The following SMIM9 variants were observed in gnomAD, a reference collection of about 807,000 sequenced individuals.
SMIM9 encodes chromosome X open reading frame 68.
Under a neutral mutation model 7.2 loss-of-function variants are expected in SMIM9, and 8 were observed. The observed-to-expected ratio is 1.10, with a 90% CI of 0.65 to 1.99. SMIM9 has a LOEUF of 1.99. SMIM9 is among the 30% of genes most tolerant of loss of function. SMIM9 has a pLI of 0.00. For synonymous variants in SMIM9, 19 were observed against 26.4 expected (o/e 0.72, Z 0.86); for missense variants, 76 against 69.3 (o/e 1.10, Z -0.34).
At position 154,834,367 on chromosome X, in the gene SMIM9, A is replaced by G. The variant is rs2072459405; in HGVS notation, c.-210+196T>C. The stretch of plus-strand genomic sequence containing the variant: ...TAAAAGATCCAGCAGGAGCTGGAGG[A>G]CCTGCAAACTTGGTCACTGTCCTGT... On this transcript the variant is annotated intron_variant, in intron 1 of 4. Coordinates refer to ENST00000369529, the MANE Select transcript of SMIM9 (RefSeq NM_001162936.4). 2.7e-5 allele frequency among the ~76,000 whole-genome samples: 3 copies of G among 112,338 alleles called. No homozygotes were observed. In the South Asian group the frequency reaches 1.1e-3, roughly 41 times the overall value.
Position 154,823,902 on chromosome X carries a change from A to G in SMIM9, c.273-120T>C, listed in dbSNP as rs920885535. The G allele has an allele frequency of 3.1e-5, 19 of 609,269 alleles. No individual in the cohort carries two copies. The Admixed American group carries it at 7.4e-4, about 24-fold the overall frequency. 50.2% of individuals were successfully genotyped at this position (609,269 alleles called of 1,213,427 possible). ...CTTAATATGAACCAAATAATTCCAT[A>G]CAAACAAAATACTTTGATGAAAAAG... On this transcript the variant is annotated intron_variant, in intron 4 of 4. Coordinates refer to ENST00000369529, the MANE Select transcript of SMIM9 (RefSeq NM_001162936.4).
At chrX:154,828,588 C>T (rs1423978532) in intron 4 of SMIM9, among the ~76,000 whole-genome samples, 2 of 111,750 alleles carry the variant, frequency 1.8e-5, no homozygotes, top group African/African-American at 6.5e-5. Context: ...AAGGTGGAGG[C>T]CTAACTATTG....
intron 4 of SMIM9, 128 bp downstream of exon 4, chrX:154,829,407 C>G: frequency 1.2e-6 from 1 of 838,569 alleles, no homozygotes; most frequent in Non-Finnish European, 1.6e-6. Flanking sequence ...AGTTTTCCTC[C>G]CAGAATTGAA....
chrX:154,823,383 T>C lies in SMIM9; in HGVS notation c.*372A>G, dbSNP rs1254166561. The C allele has an allele frequency of 7.2e-6, 1 of 139,058 alleles. No individual in the cohort carries two copies. Among genetic ancestry groups the C allele is most frequent in the African/African-American group, 3.1e-5 (1 of 31,993 alleles). 11.5% of individuals were successfully genotyped at this position (139,058 alleles called of 1,213,427 possible). On this transcript the variant is annotated 3_prime_UTR_variant, in exon 5 of 5. Transcript: ENST00000369529. ...GTGACTTTTATTAAAACAGAACTAT[T>C]GTTTCACAGAACAGACTTTGGAAAA...
chrX:154,829,552 C>A lies in SMIM9; in HGVS notation c.255G>T (p.Gly85=), dbSNP rs1557270411. ...VAFLLTSALM[G]ILCCFTILVV... The stretch of plus-strand genomic sequence containing the variant: ...AAGCTTACGTGAAGCAGCAGAGGAT[C>A]CCCATTAGTGCTGAGGTGAGAAGAA... The change falls in exon 4 of 5, where the codon GGG becomes GGT. Residue 85 remains glycine (G), a synonymous_variant. Coordinates refer to ENST00000369529, the MANE Select transcript of SMIM9 (RefSeq NM_001162936.4). 1 of 1,167,495 alleles carries A rather than the reference C, an allele frequency of 8.6e-7. No individual in the cohort carries two copies. Among genetic ancestry groups the A allele is most frequent in the South Asian group, 1.9e-5 (1 of 52,577 alleles).
intron 4 of SMIM9, 25 bp downstream of exon 4, chrX:154,829,510 G>C: frequency 8.6e-7 from 1 of 1,163,224 alleles, no homozygotes; most frequent in Non-Finnish European, 1.1e-6. Context: ...TCTCCTCCCT[G>C]TCTCTTCTTC....
rs1020244563 is a variant in SMIM9, at chrX:154,823,681, C to A, written c.*74G>T. The A allele has an allele frequency of 1.6e-5, 15 of 911,988 alleles. No homozygotes were observed. The highest frequency in any genetic ancestry group is 5.5e-4 in the Middle Eastern group (2 of 3,655). 75.2% of individuals were successfully genotyped at this position (911,988 alleles called of 1,213,427 possible). On this transcript the variant is annotated 3_prime_UTR_variant, in exon 5 of 5. Transcript: ENST00000369529. Reference sequence around the variant, plus strand: ...CTGATAGATACTTCCTCATTTTAAGCAGATAGCAAATGCCCCACTCTTTTG... The same window carrying A: ...CTGATAGATACTTCCTCATTTTAAGAAGATAGCAAATGCCCCACTCTTTTG...
At chrX:154,827,350 T>A (rs1557270295) in intron 4 of SMIM9, 1 of 112,147 alleles carries the variant, frequency 8.9e-6, no homozygotes, top group Non-Finnish European at 1.9e-5. Context: ...AATCCTGAGA[T>A]CTTAGTAGCT....
rs2072405496 is a variant in SMIM9 at position 154,823,548 on chromosome X, T to C, written c.*207A>G. 2.8e-5 allele frequency: 9 copies of C among 323,278 alleles called. No individual in the cohort carries two copies. The Admixed American group carries it at 4.0e-4, about 14-fold the overall frequency. 26.6% of individuals were successfully genotyped at this position (323,278 alleles called of 1,213,427 possible). ...TTTTTTTGCAATAAATATGTATTAC[T>C]ATTATAACCAAAACAGTAATAAGGA... On this transcript the variant is annotated 3_prime_UTR_variant, in exon 5 of 5. Transcript: ENST00000369529.
intron 4 of SMIM9, among the ~76,000 whole-genome samples, chrX:154,828,121 G>T (rs1031189858): frequency 2.7e-5 from 3 of 111,801 alleles, no homozygotes; most frequent in Non-Finnish European, 3.8e-5. Context: ...CGGTCTCCCT[G>T]TCTAGTTTCA....
chrX:154,824,355 C>CAAAAAAAAA (rs375492512), intron 4 of SMIM9, among the ~76,000 whole-genome samples: 5 of 42,408 alleles, frequency 1.2e-4, no homozygotes, highest in African/African-American at 2.6e-4. Context: ...GACTCCGTCT[C>CAAAAAAAAA]AAAAAAAAAA....
At chrX:154,826,995 T>A (rs180892426) in intron 4 of SMIM9, among the ~76,000 whole-genome samples, 1 of 112,819 alleles carries the variant, frequency 8.9e-6, no homozygotes, top group Non-Finnish European at 1.9e-5. Context: ...AATTTACCTG[T>A]TAGGCTTCTA....
intron 2 of SMIM9, among the ~76,000 whole-genome samples, chrX:154,831,524 T>C: frequency 9.1e-6 from 1 of 110,337 alleles, no homozygotes; most frequent in Non-Finnish European, 1.9e-5. Flanking sequence ...GTATCCAGAA[T>C]CCTGCCACTT....
At chrX:154,824,236 A>C (rs1027850830) in intron 4 of SMIM9, among the ~76,000 whole-genome samples, 4 of 108,795 alleles carry the variant, frequency 3.7e-5, no homozygotes, top group Non-Finnish European at 7.7e-5. Context: ...GGGCGCCTGT[A>C]GTCCCAGCTA....
At chrX:154,829,775 G>T in intron 3 of SMIM9, 111 bp from the exon 4 acceptor site, 1 of 824,799 alleles carries the variant, frequency 1.2e-6, no homozygotes, top group African/African-American at 2.0e-5. Context: ...TGTTCTTACA[G>T]TTGTCCAGAG....
At chrX:154,824,373 A>AG (rs1429301958) in intron 4 of SMIM9, among the ~76,000 whole-genome samples, 4 of 106,292 alleles carry the variant, frequency 3.8e-5, no homozygotes, top group African/African-American at 6.8e-5. Flanking sequence ...AAAAAAAAAA[A>AG]AAAGAAAAAG....
intron 3 of SMIM9, chrX:154,830,504 C>T (rs1557270477): frequency 8.4e-6 from 3 of 359,153 alleles, no homozygotes; most frequent in Non-Finnish European, 1.4e-5. Flanking sequence ...ATAACAGAGG[C>T]TGTTCAATTC....
Position 154,823,802 on chromosome X carries a change from T to C in SMIM9, c.273-20A>G. 8.6e-7 allele frequency: 1 copy of C among 1,157,190 alleles called. No individual in the cohort carries two copies. The highest frequency in any genetic ancestry group is 1.2e-6 in the Non-Finnish European group (1 of 867,854). The stretch of plus-strand genomic sequence containing the variant: ...AGAATGCTGGGAAAGGAAGATAAAA[T>C]GGTGAATGCTCTGCACAGAGTTGCT... On this transcript the variant is annotated intron_variant, in intron 4 of 4. Coordinates refer to ENST00000369529, the MANE Select transcript of SMIM9 (RefSeq NM_001162936.4).
At chrX:154,824,300 G>A (rs1379894443) in intron 4 of SMIM9, among the ~76,000 whole-genome samples, 29 of 95,265 alleles carry the variant, frequency 3.0e-4, no homozygotes, top group African/African-American at 1.1e-3. Context: ...AGCTTGCAGT[G>A]AGCCGAGATC....
Sources: allele counts gnomAD v4.1 joint callset (sites outside exome capture counted in the v4.1 genomes callset), GRCh38; gene constraint gnomAD v4.1.1; transcripts MANE v1.5; gene names NCBI Gene and HGNC (gene_info 2026-07-23, HGNC 2026-07-21).